CRPPA: variants seen among roughly 807,000 people sequenced by gnomAD.
The protein encoded by CRPPA is D-ribitol-5-phosphate cytidylyltransferase.
CRPPA carries 43 observed loss-of-function variants against 52.0 expected under a neutral mutation model. The ratio of observed to expected loss-of-function variants is 0.83; its 90% CI spans 0.65 to 1.07. CRPPA has a LOEUF of 1.07. CRPPA is among the 50% of genes least tolerant of loss of function. The probability of loss-of-function intolerance (pLI) is 0.00; values close to 1 mark genes in which losing one functional copy is unlikely to be tolerated. For missense variants in CRPPA, 629 were observed against 551.7 expected (o/e 1.14, Z -1.40); for synonymous variants, 250 against 203.5 (o/e 1.23, Z -1.94).
intron 9 of CRPPA, among the ~76,000 whole-genome samples, chr7:16,162,997 G>A (rs1379898389): frequency 2.4e-4 from 29 of 120,502 alleles, no homozygotes; most frequent in African/African-American, 5.8e-4. Context: ...TTTTTGAGAC[G>A]GAGTCTCGCT....
chr7:16,280,076 G>A (rs915962641), intron 5 of CRPPA, among the ~76,000 whole-genome samples: 2 of 152,162 alleles, frequency 1.3e-5, no homozygotes, highest in African/African-American at 4.8e-5. Context: ...TCACTATCAT[G>A]AGAACAGCAT....
intron 9 of CRPPA, among the ~76,000 whole-genome samples, chr7:16,194,014 T>C (rs1460782419): frequency 6.6e-6 from 1 of 152,086 alleles, no homozygotes; most frequent in Non-Finnish European, 1.5e-5. Context: ...ATGGTGAAAG[T>C]TTACCAGGAC....
At chr7:16,159,740 G>C (rs1188951422) in intron 9 of CRPPA, among the ~76,000 whole-genome samples, 1 of 152,030 alleles carries the variant, frequency 6.6e-6, no homozygotes, top group African/African-American at 2.4e-5. Context: ...GGGATTGCTG[G>C]GTCAAATGCT....
At chr7:16,340,100 A>T (rs975968195) in intron 3 of CRPPA, among the ~76,000 whole-genome samples, 3 of 152,160 alleles carry the variant, frequency 2.0e-5, no homozygotes, top group Admixed American at 1.3e-4. Context: ...ACCCAAGTTA[A>T]CTCAAAACTG....
intron 9 of CRPPA, among the ~76,000 whole-genome samples, chr7:16,122,082 T>C (rs549337774): frequency 2.4e-4 from 37 of 152,184 alleles, no homozygotes; most frequent in African/African-American, 8.9e-4. Context: ...ACAAAGGAAA[T>C]GTTAACATGT....
At chr7:16,330,622 T>C (rs886303126) in intron 3 of CRPPA, among the ~76,000 whole-genome samples, 2 of 152,150 alleles carry the variant, frequency 1.3e-5, no homozygotes, top group Admixed American at 1.3e-4. Context: ...GAAAACCCAG[T>C]CACAGAGGAG....
chr7:16,136,015 A>G (rs562834713), intron 9 of CRPPA, among the ~76,000 whole-genome samples: 3 of 152,236 alleles, frequency 2.0e-5, no homozygotes, highest in Admixed American at 2.0e-4. Flanking sequence ...TGCTTTCTTT[A>G]CAATTGGCTT....
At chr7:16,206,159 A>T (rs995163893) in intron 9 of CRPPA, among the ~76,000 whole-genome samples, 1 of 152,106 alleles carries the variant, frequency 6.6e-6, no homozygotes, top group Non-Finnish European at 1.5e-5. Context: ...TGACTGGTAT[A>T]TTTTCACAGA....
chr7:16,186,598 T>C (rs1477954692), intron 9 of CRPPA, among the ~76,000 whole-genome samples: 2 of 152,222 alleles, frequency 1.3e-5, no homozygotes, highest in Non-Finnish European at 2.9e-5. Context: ...TTGATACATT[T>C]ATTATTTTTC....
intron 9 of CRPPA, among the ~76,000 whole-genome samples, chr7:16,202,180 G>T (rs1222772155): frequency 6.6e-6 from 1 of 151,986 alleles, no homozygotes; most frequent in African/African-American, 2.4e-5. Context: ...CTGAATCCCT[G>T]GGATAAATCA....
chr7:16,418,052 TA>T, intron 1 of CRPPA, among the ~76,000 whole-genome samples: 1 of 152,326 alleles, frequency 6.6e-6, no homozygotes. Flanking sequence ...TTATCTTTTT[TA>T]ATGAAGTGAC....
intron 9 of CRPPA, among the ~76,000 whole-genome samples, chr7:16,198,825 G>C (rs1450211318): frequency 1.3e-5 from 2 of 151,472 alleles, no homozygotes; most frequent in African/African-American, 2.4e-5. Flanking sequence ...CTCTGAAAAT[G>C]CTAAGCAAAA....
intron 9 of CRPPA, among the ~76,000 whole-genome samples, chr7:16,102,525 C>G (rs1167900496): frequency 6.6e-6 from 1 of 152,110 alleles, no homozygotes; most frequent in African/African-American, 2.4e-5. Context: ...AGGCAACCTA[C>G]AGAATGGGAG....
At chr7:16,111,565 CATA>C (rs564808314) in intron 9 of CRPPA, among the ~76,000 whole-genome samples, 1 of 152,292 alleles carries the variant, frequency 6.6e-6, no homozygotes, top group South Asian at 2.1e-4. Context: ...AGATGCAGTA[CATA>C]TACAGAACAG....
intron 9 of CRPPA, among the ~76,000 whole-genome samples, chr7:16,189,239 G>C (rs1473507532): frequency 1.3e-5 from 2 of 152,114 alleles, no homozygotes; most frequent in Non-Finnish European, 2.9e-5. Flanking sequence ...TATTAACAAA[G>C]GAAGTATTCC....
chr7:16,247,499 T>C (rs1783310818), intron 8 of CRPPA, among the ~76,000 whole-genome samples: 1 of 152,190 alleles, frequency 6.6e-6, no homozygotes, highest in Non-Finnish European at 1.5e-5. Flanking sequence ...ACAGATATGA[T>C]TTGCAGTGTT....
chr7:16,104,917 A>G (rs989759782), intron 9 of CRPPA, among the ~76,000 whole-genome samples: 57 of 146,226 alleles, frequency 3.9e-4, no homozygotes, highest in South Asian at 1.3e-3. Flanking sequence ...AAAAAAAAAG[A>G]AAAAAAAAAT....
chr7:16,229,525 C>T (rs1782736624), intron 8 of CRPPA, among the ~76,000 whole-genome samples: 1 of 143,390 alleles, frequency 7.0e-6, no homozygotes, highest in Non-Finnish European at 1.6e-5. Context: ...TTGATTTTAA[C>T]AACAAAAACA....
At chr7:16,127,501 G>T (rs1049759905) in intron 9 of CRPPA, among the ~76,000 whole-genome samples, 3 of 152,020 alleles carry the variant, frequency 2.0e-5, no homozygotes, top group Non-Finnish European at 4.4e-5. Context: ...ACAAAACAAT[G>T]TGAGCTTTCC....
Sources: allele counts gnomAD v4.1 joint callset (sites outside exome capture counted in the v4.1 genomes callset), GRCh38; gene constraint gnomAD v4.1.1; transcripts MANE v1.5; gene names NCBI Gene and HGNC (gene_info 2026-07-23, HGNC 2026-07-21).